Variants in UVSSA observed in about 807,000 individuals in gnomAD.
UVSSA encodes UV stimulated scaffold protein A.
UVSSA carries 72 observed loss-of-function variants against 73.9 expected under a neutral mutation model. That is an observed-to-expected ratio of 0.97 (90% CI 0.81 to 1.19). The LOEUF is 1.19. Among genes scored for constraint, UVSSA ranks in the 50% most tolerant of loss-of-function variants. UVSSA has a pLI of 0.00. For missense variants in UVSSA, 1,150 were observed against 965.0 expected, an observed-to-expected ratio of 1.19 and a Z score of -2.54; for synonymous variants, 454 against 391.3, an observed-to-expected ratio of 1.16 and a Z score of -1.89.
Position 1,355,155 on chromosome 4 carries a change from G to A in UVSSA, c.1086G>A (p.Lys362=), listed in dbSNP as rs1485061774. The A allele has an allele frequency of 3.1e-6, 5 of 1,613,886 alleles. No homozygotes were observed. The highest frequency in any genetic ancestry group is 1.1e-5 in the South Asian group (1 of 91,072). The change falls in exon 7 of 14, where the codon AAG becomes AAA. Residue 362 remains lysine, a synonymous_variant. Coordinates refer to ENST00000389851, the MANE Select transcript of UVSSA (RefSeq NM_020894.4). ...TRVGTHGGCL[K]RAIDLKAELE... ...TCGGGACCCACGGTGGATGTTTAAA[G>A]CGTGCCATTGACCTGAAGGCTGAAT...
Position 1,349,822 on chromosome 4 carries a change from T to C in UVSSA, c.397T>C (p.Leu133=), listed in dbSNP as rs1714408714. The change falls in exon 3 of 14, where the codon TTG becomes CTG. Residue 133 remains leucine, a synonymous_variant. Coordinates refer to ENST00000389851, the MANE Select transcript of UVSSA (RefSeq NM_020894.4). The part of the protein sequence containing the change: ...KFGEAYKKLA[L]GYHFLRHNKK... ...TGGGGAGGCCTACAAGAAGCTTGCC[T>C]TGGGCTACCACTTCTTAAGACACAA... 1 of 1,579,210 alleles carries C rather than the reference T, an allele frequency of 6.3e-7. No individual in the cohort carries two copies. The highest frequency in any genetic ancestry group is 1.1e-5 in the South Asian group (1 of 87,372).
chr4:1,383,671 G>A (rs1719759843), intron 12 of UVSSA, 95 bp from the exon 13 acceptor site: 2 of 1,514,822 alleles, frequency 1.3e-6, no homozygotes, highest in Non-Finnish European at 1.8e-6. Context: ...CAGCCCCCCT[G>A]TCAGGACGAG....
intron 7 of UVSSA, among the ~76,000 whole-genome samples, chr4:1,358,823 T>C (rs1008845196): frequency 6.6e-6 from 1 of 152,266 alleles, no homozygotes; most frequent in African/African-American, 2.4e-5. Flanking sequence ...TTGGCGTCGT[T>C]AACTCCGTGT....
At chr4:1,380,747 G>C in intron 11 of UVSSA, 133 bp from the exon 12 acceptor site, 2 of 1,564,190 alleles carry the variant, frequency 1.3e-6, no homozygotes, top group Non-Finnish European at 1.7e-6. Context: ...CGTGATTCCA[G>C]GTTGTGTACA....
At position 1,347,599 on chromosome 4, in the gene UVSSA, C is replaced by T. The variant is rs1713900178; in HGVS notation, c.-164C>T. ...CTGGCGGTGCGGCAGGCCCTCGCCT[C>T]ATCCCACCAGGCACGCCGCGGTGCT... On this transcript the variant is annotated 5_prime_UTR_variant, in exon 1 of 14. Transcript: ENST00000389851. 1 of 153,308 alleles carries T rather than the reference C, an allele frequency of 6.5e-6. No homozygotes were observed. Among genetic ancestry groups the T allele is most frequent in the Non-Finnish European group, 1.5e-5 (1 of 68,654 alleles). 9.5% of individuals were successfully genotyped at this position (153,308 alleles called of 1,614,324 possible). A position where few individuals can be genotyped will look rare whatever the true frequency, so the allele number is the denominator to read the frequency against.
At chr4:1,371,389 C>T (rs189765897) in intron 8 of UVSSA, among the ~76,000 whole-genome samples, 11 of 152,116 alleles carry the variant, frequency 7.2e-5, no homozygotes, top group African/African-American at 1.7e-4. Context: ...ACAGTCTGGG[C>T]GGTGCTGATT....
intron 8 of UVSSA, among the ~76,000 whole-genome samples, chr4:1,366,751 C>G (rs1450540515): frequency 1.3e-5 from 2 of 152,218 alleles, no homozygotes; most frequent in Non-Finnish European, 2.9e-5. Flanking sequence ...GTGCCCGGGT[C>G]TGGGACAGGG....
chr4:1,347,984 C>G (rs559964945), intron 1 of UVSSA, 106 bp from the exon 2 acceptor site: 2 of 915,104 alleles, frequency 2.2e-6, no homozygotes, highest in Non-Finnish European at 3.4e-6. Flanking sequence ...CCTCAGGGTC[C>G]TCCCGGAGCT....
intron 8 of UVSSA, among the ~76,000 whole-genome samples, chr4:1,369,169 G>A (rs2109221458): frequency 6.6e-6 from 1 of 152,388 alleles, no homozygotes; most frequent in African/African-American, 2.4e-5. Context: ...GATGTGCCCT[G>A]TGGGCCTGGC....
chr4:1,359,458 C>T (rs1384264943), intron 7 of UVSSA: 1 of 152,224 alleles, frequency 6.6e-6, no homozygotes, highest in Admixed American at 6.5e-5. Flanking sequence ...GCTCAAATCA[C>T]CAATTACTTT....
intron 2 of UVSSA, among the ~76,000 whole-genome samples, chr4:1,349,304 T>C (rs553094705): frequency 5.3e-5 from 8 of 152,196 alleles, no homozygotes; most frequent in Non-Finnish European, 1.0e-4. Flanking sequence ...GTATTGACAT[T>C]CTTGGCTTGT....
chr4:1,386,086 A>T lies in UVSSA; in HGVS notation c.*125A>T, dbSNP rs1316551122. ...CTATTACTGTGTTTGATGTAAAGAAATGGTGTGTTGCAATGCCCTGAAGGT... is the reference window on the plus strand; with the variant it reads ...CTATTACTGTGTTTGATGTAAAGAATTGGTGTGTTGCAATGCCCTGAAGGT... On this transcript the variant is annotated 3_prime_UTR_variant, in exon 14 of 14. Transcript: ENST00000389851. 9.7e-7 allele frequency: 1 copy of T among 1,029,880 alleles called. No individual in the cohort carries two copies. Among genetic ancestry groups the T allele is most frequent in the Non-Finnish European group, 1.5e-6 (1 of 682,506 alleles). The allele number at this position is 1,029,880 out of a possible 1,614,324, so 63.8% of individuals were successfully genotyped here. A position where few individuals can be genotyped will look rare whatever the true frequency, so the allele number is the denominator to read the frequency against.
chr4:1,366,504 A>G, intron 8 of UVSSA, 73 bp downstream of exon 8: 3 of 1,170,382 alleles, frequency 2.6e-6, no homozygotes, highest in Non-Finnish European at 3.7e-6. Flanking sequence ...CCTTGGGGTC[A>G]TGACCTCAGG....
intron 3 of UVSSA, among the ~76,000 whole-genome samples, chr4:1,350,394 C>G (rs1383692379): frequency 6.6e-6 from 1 of 152,172 alleles, no homozygotes; most frequent in African/African-American, 2.4e-5. Flanking sequence ...GTGCAATGAC[C>G]CAGCCCTGCT....
intron 7 of UVSSA, 106 bp downstream of exon 7, chr4:1,355,351 C>G: frequency 8.5e-7 from 1 of 1,182,384 alleles, no homozygotes; most frequent in Non-Finnish European, 1.2e-6. Context: ...CGGACCCCAG[C>G]CACACCCCAA....
At chr4:1,385,781 A>G in intron 13 of UVSSA, 87 bp from the exon 14 acceptor site, 1 of 1,384,636 alleles carries the variant, frequency 7.2e-7, no homozygotes, top group East Asian at 2.3e-5. Flanking sequence ...CCCCAGGACC[A>G]GTGCCTAACT....
At position 1,353,152 on chromosome 4, in the gene UVSSA, G is replaced by T. The variant is rs577559437; in HGVS notation, c.673G>T (p.Asp225Tyr). The change falls in exon 5 of 14, where the codon GAT becomes TAT. Residue 225 changes from aspartate (D) to tyrosine (Y), a missense_variant. Asp to Tyr is a radical substitution (Grantham distance 160). Transcript: ENST00000389851. ...ESLGMASGMS[D>Y]ALRSSCAGQV... ...CCTTGGCATGGCTTCTGGCATGTCC[G>T]ATGCCCTTCGCTCCTCCTGCGCGGG... The T allele has an allele frequency of 6.2e-7, 1 of 1,612,998 alleles. No homozygotes were observed. Among genetic ancestry groups the T allele is most frequent in the Non-Finnish European group, 8.5e-7 (1 of 1,180,014 alleles).
intron 13 of UVSSA, chr4:1,384,594 C>T (rs1338986496): frequency 2.0e-5 from 3 of 152,332 alleles, no homozygotes; most frequent in Admixed American, 6.5e-5. Context: ...GCCTTGTTCT[C>T]GCCTAAGAAA....
intron 13 of UVSSA, 176 bp downstream of exon 13, chr4:1,384,116 AG>A: frequency 1.3e-6 from 1 of 749,722 alleles, no homozygotes; most frequent in African/African-American, 1.8e-5. Flanking sequence ...AGTGCCAGCC[AG>A]CAGGGGCAGC....
Sources: gnomAD v4.1 joint callset for allele counts (sites outside exome capture counted in the v4.1 genomes callset) on GRCh38, gnomAD v4.1.1 for gene constraint, MANE v1.5 for transcripts, NCBI Gene and HGNC (gene_info 2026-07-23, HGNC 2026-07-21) for gene names.